Variants in VCPIP1 observed in about 807,000 individuals in gnomAD.
VCPIP1 encodes valosin containing protein interacting protein 1.
A neutral mutation model predicts 85.0 loss-of-function variants in VCPIP1; 8 were observed. The observed-to-expected ratio is 0.09, with a 90% CI of 0.06 to 0.17. VCPIP1 has a LOEUF of 0.17. Among genes scored for constraint, VCPIP1 ranks in the 10% least tolerant of loss-of-function variants. VCPIP1 has a pLI of 1.00. For missense variants in VCPIP1, 1,070 were observed against 1,486.3 expected (o/e 0.72, Z 4.61); for synonymous variants, 543 against 544.5 (o/e 1.00, Z 0.04).
Position 66,633,865 on chromosome 8 carries a change from T to C in VCPIP1, c.*636A>G, listed in dbSNP as rs1471570185. 1 of 152,146 alleles carries C rather than the reference T, an allele frequency of 6.6e-6. No individual in the cohort carries two copies. Among genetic ancestry groups the C allele is most frequent in the East Asian group, 1.9e-4 (1 of 5,194 alleles). The allele number at this position is 152,146 out of a possible 1,614,324, so 9.4% of individuals were successfully genotyped here. ...CAGACAGCAACACAACTGAATCACA[T>C]TGACCTCATCAATCTAGAAGAAATT... On this transcript the variant is annotated 3_prime_UTR_variant, in exon 3 of 3. Transcript: ENST00000310421.
chr8:66,643,980 T>C (rs962269043), intron 2 of VCPIP1, among the ~76,000 whole-genome samples: 3 of 150,778 alleles, frequency 2.0e-5, no homozygotes. Flanking sequence ...AGGGGAATAC[T>C]AGAAACAACT....
In VCPIP1 at chr8:66,666,910, G is replaced by A. The variant is rs1811221420; in HGVS notation, c.49C>T (p.Pro17Ser). 4.4e-6 allele frequency: 7 copies of A among 1,594,754 alleles called. No homozygotes were observed. In the African/African-American group the frequency reaches 5.4e-5, roughly 12 times the overall value. Residue 17 changes from proline (P) to serine (S), a missense_variant, in exon 1 of 3, where the codon CCC (proline) becomes TCC (serine). Pro to Ser is a moderately conservative substitution (Grantham distance 74). Around this residue, in one of 8 missense-constraint regions of VCPIP1, gnomAD observed 164 missense variants for 158.6 expected, o/e 1.03. Transcript: ENST00000310421. This position sits in a 1 kb window ranked among gnomAD's most constrained non-coding sequence, Gnocchi z 6.3. ...GACGGAGTCTGTGGAGCCTCAGGGG[G>A]AGGAGGTGGCGGCGGCAACGGAGGC... ...PPPPLPPPPP[P>S]PEAPQTPSSL...
At chr8:66,645,326 G>T (rs948386301) in intron 2 of VCPIP1, among the ~76,000 whole-genome samples, 1 of 152,102 alleles carries the variant, frequency 6.6e-6, no homozygotes, top group Admixed American at 6.6e-5. Flanking sequence ...GCTGAGACAG[G>T]AGAATCGCTT....
chr8:66,645,158 T>C (rs1305138706), intron 2 of VCPIP1, among the ~76,000 whole-genome samples: 2 of 149,208 alleles, frequency 1.3e-5, no homozygotes, highest in East Asian at 2.0e-4. Context: ...TGGTGGCTCA[T>C]GCCTGTAATC....
In VCPIP1 at chr8:66,634,431, T is replaced by C. The variant is rs1419115128; in HGVS notation, c.*70A>G. 6.7e-7 allele frequency: 1 copy of C among 1,497,730 alleles called. No homozygotes were observed. The highest frequency in any genetic ancestry group is 1.4e-5 in the African/African-American group (1 of 71,330). 92.8% of individuals were successfully genotyped at this position (1,497,730 alleles called of 1,614,324 possible). ...ACAAGATTTTTAATGACTAATCAAG[T>C]TACGTGGCCCAGCCAACAAATATTA... On this transcript the variant is annotated 3_prime_UTR_variant, in exon 3 of 3. Transcript: ENST00000310421.
At chr8:66,661,418 T>A (rs1811155705) in intron 1 of VCPIP1, among the ~76,000 whole-genome samples, 1 of 152,120 alleles carries the variant, frequency 6.6e-6, no homozygotes, top group Non-Finnish European at 1.5e-5. Context: ...ACACCAGAAT[T>A]ATATTTGATT....
chr8:66,644,777 G>C (rs1002536953), intron 2 of VCPIP1, among the ~76,000 whole-genome samples: 4 of 150,878 alleles, frequency 2.7e-5, no homozygotes, highest in African/African-American at 9.9e-5. Flanking sequence ...GGGGTACAAG[G>C]GCAATCAAGG....
chr8:66,651,404 T>G (rs1316774922), intron 2 of VCPIP1, 54 bp downstream of exon 2: 2 of 1,363,486 alleles, frequency 1.5e-6, no homozygotes, highest in Non-Finnish European at 2.0e-6. Context: ...TTTCTTAATC[T>G]TAAAACAGCT....
chr8:66,661,552 G>A (rs761256933), intron 1 of VCPIP1, among the ~76,000 whole-genome samples: 8 of 151,830 alleles, frequency 5.3e-5, no homozygotes, highest in Non-Finnish European at 1.0e-4. Context: ...CAGCTAACAC[G>A]GTGAAACCCT....
At chr8:66,647,306 A>C (rs1811006745) in intron 2 of VCPIP1, among the ~76,000 whole-genome samples, 1 of 152,104 alleles carries the variant, frequency 6.6e-6, no homozygotes. Flanking sequence ...GCGACACTGC[A>C]CTCCAGCCTG....
Position 66,631,683 on chromosome 8 carries a change from C to T in VCPIP1, c.*2818G>A, listed in dbSNP as rs1810835526. 2.6e-5 allele frequency: 4 copies of T among 153,494 alleles called. No individual in the cohort carries two copies. The highest frequency in any genetic ancestry group is 4.4e-5 in the Non-Finnish European group (3 of 67,972). The allele number at this position is 153,494 out of a possible 1,614,324, so 9.5% of individuals were successfully genotyped here. On this transcript the variant is annotated 3_prime_UTR_variant, in exon 3 of 3. Transcript: ENST00000310421. ...TCACTGGAAGACACAGAGCCAGTAT[C>T]AGTCAATAGCATTTGCTAACTTTCT...
At chr8:66,655,260 A>G (rs1486315779) in intron 1 of VCPIP1, among the ~76,000 whole-genome samples, 1 of 152,236 alleles carries the variant, frequency 6.6e-6, no homozygotes, top group Non-Finnish European at 1.5e-5. Context: ...TGCTGAACAG[A>G]TGGCAACACT....
chr8:66,636,192 A>G (rs1425556291), intron 2 of VCPIP1, among the ~76,000 whole-genome samples: 1 of 145,382 alleles, frequency 6.9e-6, no homozygotes, highest in Non-Finnish European at 1.5e-5. Context: ...TGGCGCCGCT[A>G]TACCACTATA....
intron 2 of VCPIP1, among the ~76,000 whole-genome samples, chr8:66,641,036 C>T (rs1810942374): frequency 6.6e-6 from 1 of 152,152 alleles, no homozygotes; most frequent in Non-Finnish European, 1.5e-5. Context: ...GCCCTGGGGG[C>T]CACAGGTACC....
In VCPIP1 at chr8:66,660,997, C is replaced by T. The variant is rs184777537; in HGVS notation, c.2710+3252G>A. Among the ~76,000 whole-genome samples, 270 of 152,036 alleles carry T rather than the reference C, an allele frequency of 1.8e-3. 2 individuals are homozygous for T. The highest frequency in any genetic ancestry group is 6.2e-3 in the African/African-American group (255 of 41,458). ...GGCAGAGGTTGCAGTGAGCCGAGAT[C>T]GCACCACTGCACTCCAGCCTGGCGA... On this transcript the variant is annotated intron_variant, in intron 1 of 2. Coordinates refer to ENST00000310421, the MANE Select transcript of VCPIP1 (RefSeq NM_025054.5).
At chr8:66,657,607 T>C (rs1811113039) in intron 1 of VCPIP1, among the ~76,000 whole-genome samples, 1 of 152,242 alleles carries the variant, frequency 6.6e-6, no homozygotes. Context: ...TGAATATTTT[T>C]ATCATACACA....
At position 66,665,603 on chromosome 8, in the gene VCPIP1, T is replaced by C; in HGVS notation, c.1356A>G (p.Glu452=). Residue 452 remains glutamate, a synonymous_variant, in exon 1 of 3, where the codon GAA becomes GAG. Transcript: ENST00000310421. This position sits in a 1 kb window ranked among gnomAD's most constrained non-coding sequence, Gnocchi z 4.3. ...RTGVIGVQPE[E]VTAAAKKAVM... ...CTGCTTTTTTAGCAGCTGCTGTGAC[T>C]TCCTCAGGCTGAACTCCTATCACTC... 6.2e-7 allele frequency: 1 copy of C among 1,614,194 alleles called. No homozygotes were observed. Among genetic ancestry groups the C allele is most frequent in the Non-Finnish European group, 8.5e-7 (1 of 1,180,034 alleles).
At chr8:66,642,848 T>C (rs1368898512) in intron 2 of VCPIP1, among the ~76,000 whole-genome samples, 1 of 151,994 alleles carries the variant, frequency 6.6e-6, no homozygotes, top group Non-Finnish European at 1.5e-5. Context: ...AGGAAATTAT[T>C]TGCAGTTGCA....
In VCPIP1 at chr8:66,664,641, T is replaced by G; in HGVS notation, c.2318A>C (p.Lys773Thr). ...TKAPYSPTTSKEKKIRITTND... is the reference protein window; with the variant it reads ...TKAPYSPTTSTEKKIRITTND... Reference sequence around the variant, plus strand: ...AGTTGTGATTCGGATCTTCTTCTCCTTAGAAGTTGTCGGTGAATAGGGAGC... The same window carrying G: ...AGTTGTGATTCGGATCTTCTTCTCCGTAGAAGTTGTCGGTGAATAGGGAGC... The change falls in exon 1 of 3, where the codon AAG (lysine) becomes ACG (threonine). Residue 773 changes from lysine to threonine, a missense_variant. Transcript: ENST00000310421. 1 of 1,613,694 alleles carries G rather than the reference T, an allele frequency of 6.2e-7. No homozygotes were observed.
Sources: gnomAD v4.1 joint callset for allele counts (sites outside exome capture counted in the v4.1 genomes callset) on GRCh38, gnomAD v4.1.1 for gene constraint, gnomAD v4.1.1 regional missense constraint, Gnocchi (gnomAD v3.1) non-coding constraint, MANE v1.5 for transcripts, NCBI Gene and HGNC (gene_info 2026-07-23, HGNC 2026-07-21) for gene names.